Variants in MGAT4C observed in about 807,000 individuals in gnomAD.
The protein encoded by MGAT4C is MGAT4 family member C.
A neutral mutation model predicts 40.1 loss-of-function variants in MGAT4C; 19 were observed. That is an observed-to-expected ratio of 0.47 (90% CI 0.33 to 0.70). MGAT4C has a LOEUF of 0.70. Ranked by LOEUF, MGAT4C falls within the 30% of genes least tolerant of loss-of-function variation. The pLI is 0.02. For missense variants in MGAT4C, 491 were observed against 563.2 expected, an observed-to-expected ratio of 0.87 and a Z score of 1.30; for synonymous variants, 181 against 187.1, an observed-to-expected ratio of 0.97 and a Z score of 0.27.
intron 2 of MGAT4C, among the ~76,000 whole-genome samples, chr12:86,496,517 T>C (rs56162796): frequency 0.098 from 14,960 of 152,066 alleles, 989 homozygotes; most frequent in Middle Eastern, 0.25. Context: ...CCTAAAATTA[T>C]GTGGTAATAA....
intron 2 of MGAT4C, among the ~76,000 whole-genome samples, chr12:86,654,272 T>C (rs569542563): frequency 6.6e-6 from 1 of 151,740 alleles, no homozygotes; most frequent in Non-Finnish European, 1.5e-5. Context: ...CTACAAATTA[T>C]AGCTAATGTG....
chr12:86,160,316 C>T (rs533850517), intron 1 of MGAT4C, among the ~76,000 whole-genome samples: 2 of 151,998 alleles, frequency 1.3e-5, no homozygotes, highest in East Asian at 3.9e-4. Context: ...TAGGAGCAAG[C>T]TGTTTAATTT....
At chr12:86,195,857 T>C (rs867840680) in intron 1 of MGAT4C, among the ~76,000 whole-genome samples, 1 of 152,210 alleles carries the variant, frequency 6.6e-6, no homozygotes, top group Non-Finnish European at 1.5e-5. Flanking sequence ...GCATTCATTT[T>C]TGAACTATGT....
In MGAT4C at chr12:86,110,298, C is replaced by CTATATATATATATATAG. The variant is rs1565996123; in HGVS notation, c.-56-60576_-56-60575insCTATATATATATATATA. On this transcript the variant is annotated intron_variant, in intron 1 of 4. Transcript: ENST00000611864. ...TATATAGTCTATATATATATAGTCT[C>CTATATATATATATATAG]TCTATATATATATATATATAGTCTC... Among the ~76,000 whole-genome samples, 2 of 15,708 alleles carry CTATATATATATATATAG rather than the reference C, an allele frequency of 1.3e-4. 1 individual carries two copies. Among genetic ancestry groups the CTATATATATATATATAG allele is most frequent in the East Asian group, 3.6e-3 (2 of 560 alleles). 10.3% of individuals were successfully genotyped at this position (15,708 alleles called of 152,430 possible). A position where few individuals can be genotyped will look rare whatever the true frequency, so the allele number is the denominator to read the frequency against.
intron 2 of MGAT4C, among the ~76,000 whole-genome samples, chr12:86,645,892 G>A (rs1027158413): frequency 6.6e-6 from 1 of 151,626 alleles, no homozygotes; most frequent in Non-Finnish European, 1.5e-5. Flanking sequence ...GCACTATTCT[G>A]TAATTATTGA....
chr12:86,429,130 C>T (rs970384968), intron 3 of MGAT4C, among the ~76,000 whole-genome samples: 2 of 151,924 alleles, frequency 1.3e-5, no homozygotes, highest in Admixed American at 1.3e-4. Flanking sequence ...CCGCTTTTTG[C>T]TGTATCACCT....
chr12:86,171,924 G>A (rs1191278146), intron 1 of MGAT4C, among the ~76,000 whole-genome samples: 5 of 152,106 alleles, frequency 3.3e-5, no homozygotes, highest in Non-Finnish European at 1.5e-5. Context: ...AAACAGAAAT[G>A]AACATCTTGA....
chr12:86,341,715 G>A lies in MGAT4C; in HGVS notation c.-119-7588C>T, dbSNP rs900880693. ...GCCTGAGCCAACCCAGGGCAGATGGGATCCCCCAGCACAGCACAGCTGCTC... is the reference window on the plus strand; with the variant it reads ...GCCTGAGCCAACCCAGGGCAGATGGAATCCCCCAGCACAGCACAGCTGCTC... On this transcript the variant is annotated intron_variant, in intron 3 of 7. Coordinates refer to the MGAT4C transcript ENST00000548651. 3.8e-4 allele frequency among the ~76,000 whole-genome samples: 58 copies of A among 152,248 alleles called. 1 individual carries two copies. Among genetic ancestry groups the A allele is most frequent in the Admixed American group, 3.7e-3 (57 of 15,296 alleles).
intron 2 of MGAT4C, among the ~76,000 whole-genome samples, chr12:86,517,307 G>T (rs1159060266): frequency 6.6e-6 from 1 of 151,914 alleles, no homozygotes; most frequent in Non-Finnish European, 1.5e-5. Context: ...CAATAAAAAT[G>T]AACATATACA....
At chr12:86,450,545 A>G (rs1347225564) in intron 2 of MGAT4C, among the ~76,000 whole-genome samples, 1 of 151,998 alleles carries the variant, frequency 6.6e-6, no homozygotes, top group African/African-American at 2.4e-5. Context: ...CTTTATACTT[A>G]GTGCTTCTTG....
At chr12:86,572,444 A>G (rs951403034) in intron 2 of MGAT4C, among the ~76,000 whole-genome samples, 2 of 151,942 alleles carry the variant, frequency 1.3e-5, no homozygotes, top group South Asian at 4.2e-4. Flanking sequence ...AATATACATA[A>G]CCCTGATTTT....
chr12:86,353,670 GA>G (rs1955231741), intron 3 of MGAT4C, among the ~76,000 whole-genome samples: 1 of 152,216 alleles, frequency 6.6e-6, no homozygotes, highest in South Asian at 2.1e-4. Flanking sequence ...TGGTAGCAAT[GA>G]TGGTGGCATC....
At chr12:85,984,728 C>T (rs1401056189) in intron 3 of MGAT4C, among the ~76,000 whole-genome samples, 3 of 151,976 alleles carry the variant, frequency 2.0e-5, no homozygotes, top group Non-Finnish European at 4.4e-5. Context: ...TTCTCTCTCT[C>T]TCTCTTTTTT....
intron 2 of MGAT4C, among the ~76,000 whole-genome samples, chr12:86,669,173 G>A (rs1964189783): frequency 6.6e-6 from 1 of 152,072 alleles, no homozygotes; most frequent in Admixed American, 6.5e-5. Flanking sequence ...AACCACTTGA[G>A]TTGCCCCACC....
intron 4 of MGAT4C, among the ~76,000 whole-genome samples, 196 bp downstream of exon 4, chr12:85,983,327 T>G (rs1257308461): frequency 1.3e-5 from 2 of 152,210 alleles, no homozygotes; most frequent in African/African-American, 4.8e-5. Context: ...GCATTTTATT[T>G]AATTTTTTTG....
intron 3 of MGAT4C, among the ~76,000 whole-genome samples, chr12:85,984,360 C>T (rs1884979274): frequency 6.6e-6 from 1 of 151,648 alleles, no homozygotes. Context: ...ACTAATATTT[C>T]TTATGATAGT....
intron 2 of MGAT4C, among the ~76,000 whole-genome samples, chr12:86,029,689 CT>C (rs906120672): frequency 2.6e-5 from 4 of 151,918 alleles, no homozygotes; most frequent in African/African-American, 9.7e-5. Flanking sequence ...TAATTTAATA[CT>C]GTTGCCCATG....
At chr12:86,123,113 G>A (rs564336178) in intron 1 of MGAT4C, among the ~76,000 whole-genome samples, 2 of 152,176 alleles carry the variant, frequency 1.3e-5, no homozygotes, top group Admixed American at 6.6e-5. Flanking sequence ...GCAAAGTGCC[G>A]ACCCTCCCAG....
chr12:86,191,671 ACACC>A (rs1379642374), intron 1 of MGAT4C, among the ~76,000 whole-genome samples: 2 of 124,212 alleles, frequency 1.6e-5, no homozygotes, highest in Non-Finnish European at 3.4e-5. Flanking sequence ...ACACACACAC[ACACC>A]CTTATCTCCT....
Sources: gnomAD v4.1 joint callset for allele counts (sites outside exome capture counted in the v4.1 genomes callset) on GRCh38, gnomAD v4.1.1 for gene constraint, MANE v1.5 for transcripts, NCBI Gene and HGNC (gene_info 2026-07-23, HGNC 2026-07-21) for gene names.